The following CDH1 variants were observed in gnomAD, a reference collection of about 807,000 sequenced individuals.
The protein encoded by CDH1 is cadherin-1.
CDH1 carries 35 observed loss-of-function variants against 84.5 expected under a neutral mutation model. That is an observed-to-expected ratio of 0.41 (90% CI 0.32 to 0.55). The LOEUF (loss-of-function observed/expected upper bound fraction) is 0.55. Ranked by LOEUF, CDH1 falls within the 20% of genes least tolerant of loss-of-function variation. The pLI is 0.19. For synonymous variants in CDH1, 417 were observed against 439.0 expected (o/e 0.95, Z 0.63); for missense variants, 994 against 1,126.6 (o/e 0.88, Z 1.68).
Position 68,833,524 on chromosome 16 carries a change from G to T in CDH1, c.*25G>T, listed in dbSNP as rs2152144324. ...GGGGACTCGAGAGAGGCGGGCCCCA[G>T]ACCCATGTGCTGGGAAATGCAGAAA... On this transcript the variant is annotated 3_prime_UTR_variant, in exon 16 of 16. Coordinates refer to ENST00000261769, the MANE Select transcript of CDH1 (RefSeq NM_004360.5). 1 of 1,583,566 alleles carries T rather than the reference G, an allele frequency of 6.3e-7. No individual in the cohort carries two copies. The highest frequency in any genetic ancestry group is 1.1e-5 in the South Asian group (1 of 90,378).
Position 68,748,604 on chromosome 16 carries a change from AT to A in CDH1, c.163+10201del, listed in dbSNP as rs556056371. Among the ~76,000 whole-genome samples the A allele has an allele frequency of 6.1e-3, 930 of 152,124 alleles. 5 individuals are homozygous for A. The highest frequency in any genetic ancestry group is 9.8e-3 in the Non-Finnish European group (665 of 67,972). On this transcript the variant is annotated intron_variant, in intron 2 of 15. Coordinates refer to ENST00000261769, the MANE Select transcript of CDH1 (RefSeq NM_004360.5). ...TTTCAGACAGTAACCTGGGATATAC[AT>A]TTTTTTTCTACACATTCTGGTGTAT...
intron 6 of CDH1, among the ~76,000 whole-genome samples, chr16:68,811,249 T>A (rs184551968): frequency 2.6e-5 from 4 of 151,896 alleles, no homozygotes; most frequent in Admixed American, 2.6e-4. Flanking sequence ...AATAGAAAAT[T>A]AGCTGGGCGT....
At position 68,793,076 on chromosome 16, in the gene CDH1, C is replaced by T. The variant is rs187917516; in HGVS notation, c.164-8594C>T. The stretch of plus-strand genomic sequence containing the variant: ...CGCCTGTCAACAGGGGTGCAGGAGC[C>T]GCAGCTGCCACCCTGAGAGCACATT... On this transcript the variant is annotated intron_variant, in intron 2 of 15. Coordinates refer to ENST00000261769, the MANE Select transcript of CDH1 (RefSeq NM_004360.5). Among the ~76,000 whole-genome samples, 440 of 152,260 alleles carry T rather than the reference C, an allele frequency of 2.9e-3. 5 individuals carry two copies. The highest frequency in any genetic ancestry group is 0.015 in the South Asian group (72 of 4,826).
At chr16:68,787,903 G>A (rs1207733804) in intron 2 of CDH1, among the ~76,000 whole-genome samples, 2 of 144,494 alleles carry the variant, frequency 1.4e-5, no homozygotes, top group East Asian at 2.1e-4. Context: ...TTGGCTCACC[G>A]CAACCTCCGC....
intron 2 of CDH1, among the ~76,000 whole-genome samples, chr16:68,788,200 G>A (rs905547272): frequency 3.3e-5 from 5 of 152,028 alleles, no homozygotes; most frequent in Non-Finnish European, 4.4e-5. Flanking sequence ...TTGGGTGCCT[G>A]GATTCTTTCA....
Position 68,812,013 on chromosome 16 carries a change from G to C in CDH1, c.1009-122G>C. The C allele has an allele frequency of 2.0e-6, 3 of 1,521,160 alleles. No individual in the cohort carries two copies. The South Asian group carries it at 3.4e-5, about 17-fold the overall frequency. The allele number at this position is 1,521,160 out of a possible 1,614,324, so 94.2% of individuals were successfully genotyped here. On this transcript the variant is annotated intron_variant, in intron 7 of 15. Transcript: ENST00000261769. ...CTTGTGCCCAGAGGTTCCGTGCCTA[G>C]AAGACAGGCAGGCTGGCATGAAGCA... is the stretch of plus-strand genomic sequence containing the variant.
At chr16:68,796,455 T>G (rs1285546758) in intron 2 of CDH1, among the ~76,000 whole-genome samples, 2 of 152,108 alleles carry the variant, frequency 1.3e-5, no homozygotes, top group African/African-American at 2.4e-5. Flanking sequence ...CACATTCCAG[T>G]TATGGGACCA....
chr16:68,799,937 G>A (rs1295364626), intron 2 of CDH1, among the ~76,000 whole-genome samples: 1 of 151,820 alleles, frequency 6.6e-6, no homozygotes, highest in Non-Finnish European at 1.5e-5. Flanking sequence ...TTGAACCCAG[G>A]AGGCGGAGGT....
chr16:68,821,970 G>T (rs2152138088), intron 11 of CDH1, 31 bp from the exon 12 acceptor site: 1 of 1,566,684 alleles, frequency 6.4e-7, no homozygotes, highest in Non-Finnish European at 8.8e-7. Flanking sequence ...CTGTTGCCAA[G>T]CTGCCACATT....
At chr16:68,814,554 A>G (rs1960931757) in intron 9 of CDH1, 1 of 152,248 alleles carries the variant, frequency 6.6e-6, no homozygotes, top group African/African-American at 2.4e-5. Flanking sequence ...TCTGAAAAAA[A>G]AAAGAAATCA....
intron 5 of CDH1, among the ~76,000 whole-genome samples, chr16:68,809,950 T>C (rs2152130787): frequency 6.6e-6 from 1 of 152,344 alleles, no homozygotes; most frequent in South Asian, 2.1e-4. Context: ...CTAGGCCTGA[T>C]GCCCTGGTCC....
chr16:68,784,563 G>A (rs1294779100), intron 2 of CDH1, among the ~76,000 whole-genome samples: 1 of 152,032 alleles, frequency 6.6e-6, no homozygotes, highest in East Asian at 1.9e-4. Context: ...GTTCTTTAGT[G>A]GTGATTTCTG....
intron 3 of CDH1, among the ~76,000 whole-genome samples, chr16:68,807,671 A>T (rs1453297389): frequency 6.6e-6 from 1 of 152,160 alleles, no homozygotes; most frequent in South Asian, 2.1e-4. Flanking sequence ...CCTGGGTGAC[A>T]GAGCAAGACC....
At position 68,823,383 on chromosome 16, in the gene CDH1, T is replaced by C. The variant is rs1406580034; in HGVS notation, c.1937-16T>C. ...CCTCCCCTGGTCTCATCATTTCTTT[T>C]TATTGCTTTCTCCAGCCCAAGAATC... is the stretch of plus-strand genomic sequence containing the variant. On this transcript the variant is annotated splice_polypyrimidine_tract_variant and intron_variant, in intron 12 of 15. Coordinates refer to ENST00000261769, the MANE Select transcript of CDH1 (RefSeq NM_004360.5). The C allele has an allele frequency of 6.4e-7, 1 of 1,573,924 alleles. No individual in the cohort carries two copies. The highest frequency in any genetic ancestry group is 1.1e-5 in the South Asian group (1 of 90,244).
At chr16:68,804,997 T>C (rs1217221483) in intron 3 of CDH1, among the ~76,000 whole-genome samples, 1 of 16,042 alleles carries the variant, frequency 6.2e-5, no homozygotes, top group Non-Finnish European at 1.2e-4. Context: ...GCCCAGCTAA[T>C]TTTTTTTTTT....
At chr16:68,739,598 A>G (rs1251042147) in intron 2 of CDH1, among the ~76,000 whole-genome samples, 2 of 139,114 alleles carry the variant, frequency 1.4e-5, no homozygotes, top group Non-Finnish European at 1.5e-5. Flanking sequence ...GTTTCCCCCA[A>G]GGAATAATGA....
intron 2 of CDH1, among the ~76,000 whole-genome samples, chr16:68,758,449 C>T (rs1322022292): frequency 1.3e-5 from 2 of 151,564 alleles, no homozygotes; most frequent in African/African-American, 4.8e-5. Flanking sequence ...TGGCTGGGCT[C>T]CGTGGTACAC....
chr16:68,811,892 G>A (rs771695487), intron 7 of CDH1, 33 bp downstream of exon 7: 1 of 1,610,484 alleles, frequency 6.2e-7, no homozygotes, highest in Non-Finnish European at 8.5e-7. Context: ...AGGGTGTGGA[G>A]GACAAATGTG....
In CDH1 at chr16:68,822,131, C is replaced by T. The variant is rs773368593; in HGVS notation, c.1842C>T (p.Ile614=). ...ATCCAAAGCCTCAGGTCATAAACAT[C>T]ATTGATGCAGACCTTCCTCCCAATA... ...ERNPKPQVIN[I]IDADLPPNTS... Residue 614 remains isoleucine (I), a synonymous_variant, in exon 12 of 16, where the codon ATC becomes ATT. Coordinates refer to ENST00000261769, the MANE Select transcript of CDH1 (RefSeq NM_004360.5). The T allele has an allele frequency of 5.6e-6, 9 of 1,614,018 alleles. No homozygotes were observed. Among genetic ancestry groups the T allele is most frequent in the Admixed American group, 5.0e-5 (3 of 60,002 alleles).
Sources: gnomAD v4.1 joint callset for allele counts (sites outside exome capture counted in the v4.1 genomes callset) on GRCh38, gnomAD v4.1.1 for gene constraint, MANE v1.5 for transcripts, NCBI Gene and HGNC (gene_info 2026-07-23, HGNC 2026-07-21) for gene names.